Variants in PTPRD observed in about 807,000 individuals in gnomAD.
The protein encoded by PTPRD is receptor-type tyrosine-protein phosphatase delta.
In PTPRD, 34 loss-of-function variants were observed where a neutral mutation model predicts 214.5. That is an observed-to-expected ratio of 0.16 (90% CI 0.12 to 0.21). The LOEUF (loss-of-function observed/expected upper bound fraction) is 0.21, where lower values mean the gene tolerates loss of function less well. PTPRD is among the 10% of genes least tolerant of loss of function. PTPRD has a pLI of 1.00. For missense variants in PTPRD, 2,545 were observed against 2,398.7 expected, an observed-to-expected ratio of 1.06 and a Z score of -1.27; for synonymous variants, 1,128 against 845.7, an observed-to-expected ratio of 1.33 and a Z score of -5.79.
intron 11 of PTPRD, among the ~76,000 whole-genome samples, chr9:8,970,190 T>C (rs2099228344): frequency 6.6e-6 from 1 of 151,980 alleles, no homozygotes; most frequent in Non-Finnish European, 1.5e-5. Flanking sequence ...AGCATGAGTG[T>C]TCTTGCTCAT....
chr9:9,115,312 T>C (rs1392403611), intron 10 of PTPRD, among the ~76,000 whole-genome samples: 2 of 152,042 alleles, frequency 1.3e-5, no homozygotes, highest in African/African-American at 2.4e-5. Context: ...AGGATAATTA[T>C]TTCCATGACA....
chr9:9,563,607 G>T (rs562686682), intron 8 of PTPRD, among the ~76,000 whole-genome samples: 5 of 152,234 alleles, frequency 3.3e-5, no homozygotes, highest in African/African-American at 1.2e-4. Flanking sequence ...AGAGGATCAG[G>T]ACAGCTGTTG....
intron 3 of PTPRD, among the ~76,000 whole-genome samples, chr9:10,141,154 G>A (rs1415607375): frequency 3.9e-5 from 6 of 152,046 alleles, no homozygotes; most frequent in African/African-American, 9.7e-5. Flanking sequence ...TACTGAATGG[G>A]CAAAAAACTG....
At chr9:9,940,318 C>T (rs1231880207) in intron 4 of PTPRD, among the ~76,000 whole-genome samples, 1 of 152,126 alleles carries the variant, frequency 6.6e-6, no homozygotes, top group Non-Finnish European at 1.5e-5. Context: ...GGTTTCTTGA[C>T]TAGACTACCT....
Position 8,857,424 on chromosome 9 carries a change from G to A in PTPRD, c.-103-123478C>T, listed in dbSNP as rs540727431. Reference sequence around the variant, plus strand: ...CTCTCTCCCGGGTCTGAGGTTTCAGGCGAGAAGTGAACCCAGCAGGAGAGG... The same window carrying A: ...CTCTCTCCCGGGTCTGAGGTTTCAGACGAGAAGTGAACCCAGCAGGAGAGG... On this transcript the variant is annotated intron_variant, in intron 11 of 45. Coordinates refer to ENST00000381196, the MANE Select transcript of PTPRD (RefSeq NM_002839.4). 6.2e-4 allele frequency among the ~76,000 whole-genome samples: 95 copies of A among 152,278 alleles called. 1 individual carries two copies. In the South Asian group the frequency reaches 0.018, roughly 29 times the overall value.
At chr9:9,773,113 T>C (rs1255974416) in intron 5 of PTPRD, among the ~76,000 whole-genome samples, 1 of 152,176 alleles carries the variant, frequency 6.6e-6, no homozygotes, top group Non-Finnish European at 1.5e-5. Flanking sequence ...TTTATGGTTT[T>C]AGATGAAGAG....
chr9:9,665,559 A>G (rs1343072241), intron 7 of PTPRD, among the ~76,000 whole-genome samples: 3 of 151,788 alleles, frequency 2.0e-5, no homozygotes, highest in Non-Finnish European at 4.4e-5. Flanking sequence ...TATCTAGTAA[A>G]TATCTTACTC....
At chr9:9,508,763 C>T (rs920459130) in intron 8 of PTPRD, among the ~76,000 whole-genome samples, 2 of 151,590 alleles carry the variant, frequency 1.3e-5, no homozygotes, top group Admixed American at 6.6e-5. Flanking sequence ...ACTTTCCCTG[C>T]TCTTATCTCC....
At chr9:9,025,321 G>C (rs2099583377) in intron 10 of PTPRD, among the ~76,000 whole-genome samples, 1 of 152,040 alleles carries the variant, frequency 6.6e-6, no homozygotes, top group Non-Finnish European at 1.5e-5. Flanking sequence ...ACTTTCCTAT[G>C]TTCTGATAAG....
At chr9:9,594,380 A>T (rs2093069951) in intron 7 of PTPRD, among the ~76,000 whole-genome samples, 1 of 151,998 alleles carries the variant, frequency 6.6e-6, no homozygotes, top group Non-Finnish European at 1.5e-5. Flanking sequence ...TTCCAATGTT[A>T]GCTTGTAGAA....
At chr9:9,549,209 A>C (rs1168335689) in intron 8 of PTPRD, among the ~76,000 whole-genome samples, 1 of 152,138 alleles carries the variant, frequency 6.6e-6, no homozygotes, top group Non-Finnish European at 1.5e-5. Context: ...CATTGTAAAA[A>C]ATAAGCAGCC....
chr9:9,997,039 C>A (rs1203921413), intron 4 of PTPRD, among the ~76,000 whole-genome samples: 1 of 152,174 alleles, frequency 6.6e-6, no homozygotes. Flanking sequence ...TAGACAAACA[C>A]TTCAAATTAG....
chr9:9,172,426 G>A (rs746792859), intron 10 of PTPRD, among the ~76,000 whole-genome samples: 17 of 152,016 alleles, frequency 1.1e-4, no homozygotes, highest in Non-Finnish European at 2.2e-4. Flanking sequence ...CTCTTTACCT[G>A]AATAAATCTG....
intron 11 of PTPRD, among the ~76,000 whole-genome samples, chr9:8,869,393 T>C (rs1361152752): frequency 6.6e-6 from 1 of 152,178 alleles, no homozygotes; most frequent in Non-Finnish European, 1.5e-5. Flanking sequence ...AATGTTAACA[T>C]TTGTATGGTA....
At chr9:9,453,480 G>A (rs1471012423) in intron 8 of PTPRD, among the ~76,000 whole-genome samples, 1 of 151,450 alleles carries the variant, frequency 6.6e-6, no homozygotes, top group Non-Finnish European at 1.5e-5. Context: ...AATATTCATA[G>A]AATAACCATT....
At chr9:9,488,016 C>T (rs1439975862) in intron 8 of PTPRD, among the ~76,000 whole-genome samples, 1 of 152,016 alleles carries the variant, frequency 6.6e-6, no homozygotes. Flanking sequence ...TATTTGTGTG[C>T]CATAAACCTA....
At chr9:8,497,970 T>C (rs981902285) in intron 25 of PTPRD, among the ~76,000 whole-genome samples, 1 of 152,240 alleles carries the variant, frequency 6.6e-6, no homozygotes, top group African/African-American at 2.4e-5. Context: ...AGATAAAACG[T>C]AGCAATGATG....
chr9:8,727,158 T>G (rs1438906609), intron 12 of PTPRD, among the ~76,000 whole-genome samples: 1 of 152,214 alleles, frequency 6.6e-6, no homozygotes, highest in Non-Finnish European at 1.5e-5. Flanking sequence ...AATTGTTCCA[T>G]CCTTAGAGTT....
intron 7 of PTPRD, among the ~76,000 whole-genome samples, chr9:9,630,552 G>C (rs553669442): frequency 6.6e-6 from 1 of 152,250 alleles, no homozygotes; most frequent in African/African-American, 2.4e-5. Flanking sequence ...ACTTGAATAA[G>C]AAATGTTTAT....
Sources: allele counts gnomAD v4.1 joint callset (sites outside exome capture counted in the v4.1 genomes callset), GRCh38; gene constraint gnomAD v4.1.1; transcripts MANE v1.5; gene names NCBI Gene and HGNC (gene_info 2026-07-23, HGNC 2026-07-21).